The following C8orf34 variants were observed in gnomAD, a reference collection of about 807,000 sequenced individuals.
The protein encoded by C8orf34 is chromosome 8 open reading frame 34, also known as uncharacterized protein C8orf34.
C8orf34 carries 65 observed loss-of-function variants against 68.3 expected under a neutral mutation model. The ratio of observed to expected loss-of-function variants is 0.95; its 90% CI spans 0.78 to 1.17. The LOEUF (loss-of-function observed/expected upper bound fraction) is 1.17. Ranked by LOEUF, C8orf34 falls within the 50% of genes most tolerant of loss-of-function variation. The pLI, the probability that C8orf34 is intolerant of heterozygous loss-of-function variation, is 0.00. For synonymous variants in C8orf34, 244 were observed against 241.2 expected, an observed-to-expected ratio of 1.01 and a Z score of -0.11; for missense variants, 664 against 655.4, an observed-to-expected ratio of 1.01 and a Z score of -0.14.
intron 12 of C8orf34, among the ~76,000 whole-genome samples, chr8:68,802,726 G>A (rs1020511464): frequency 1.3e-5 from 2 of 152,116 alleles, no homozygotes; most frequent in African/African-American, 4.8e-5. Context: ...TCAAACTCAT[G>A]AGCTCAAGCA....
chr8:68,616,375 T>C (rs1285643857), intron 7 of C8orf34, among the ~76,000 whole-genome samples: 2 of 152,208 alleles, frequency 1.3e-5, no homozygotes, highest in African/African-American at 2.4e-5. Flanking sequence ...CTTTTAATTG[T>C]GATGTTAGGG....
intron 1 of C8orf34, among the ~76,000 whole-genome samples, chr8:68,378,767 T>C (rs925952705): frequency 6.6e-6 from 1 of 152,234 alleles, no homozygotes; most frequent in African/African-American, 2.4e-5. Flanking sequence ...GAGTTTCCTG[T>C]TACTTGTAAG....
chr8:68,419,171 A>C lies in C8orf34; in HGVS notation c.328-20328A>C, dbSNP rs960677526. Among the ~76,000 whole-genome samples, 61 of 152,206 alleles carry C rather than the reference A, an allele frequency of 4.0e-4. 1 individual carries two copies. The East Asian group carries it at 6.4e-3, about 16-fold the overall frequency. On this transcript the variant is annotated intron_variant, in intron 1 of 13. Transcript: ENST00000518698. ...CCCCATCAAGAAGTGGGCGAAGGAC[A>C]TGAACAGACACTTCTCAAAAGAAGA...
At chr8:68,533,919 T>C (rs976007005) in intron 7 of C8orf34, 1 of 876,264 alleles carries the variant, frequency 1.1e-6, no homozygotes, top group Non-Finnish European at 1.4e-6. Context: ...AGTATGATTT[T>C]CAAATACTTT....
intron 12 of C8orf34, among the ~76,000 whole-genome samples, chr8:68,790,222 A>G (rs1156229754): frequency 2.6e-5 from 4 of 152,214 alleles, no homozygotes; most frequent in Admixed American, 2.6e-4. Context: ...CTGGCTAGAT[A>G]TGCATAGATC....
intron 12 of C8orf34, 61 bp downstream of exon 12, chr8:68,787,597 G>T: frequency 1.7e-6 from 2 of 1,201,124 alleles, no homozygotes; most frequent in Middle Eastern, 2.0e-4. Flanking sequence ...CCACAATAAA[G>T]CTATTTCACT....
intron 8 of C8orf34, among the ~76,000 whole-genome samples, chr8:68,703,858 C>T (rs778556749): frequency 1.2e-4 from 18 of 152,112 alleles, no homozygotes; most frequent in Non-Finnish European, 2.2e-4. Context: ...GCCTCTGCCT[C>T]ACACCCTGCA....
At chr8:68,550,103 G>A (rs1036297589) in intron 7 of C8orf34, among the ~76,000 whole-genome samples, 2 of 151,650 alleles carry the variant, frequency 1.3e-5, no homozygotes, top group African/African-American at 4.8e-5. Flanking sequence ...TGATGTAACT[G>A]GATTAATATC....
intron 12 of C8orf34, among the ~76,000 whole-genome samples, chr8:68,809,008 A>G (rs1229764796): frequency 2.0e-5 from 3 of 151,826 alleles, no homozygotes; most frequent in African/African-American, 7.3e-5. Context: ...TGGGAGGCTC[A>G]TTTCCTTTTT....
At chr8:68,345,208 A>G (rs574344743) in intron 1 of C8orf34, among the ~76,000 whole-genome samples, 21 of 152,132 alleles carry the variant, frequency 1.4e-4, no homozygotes, top group African/African-American at 4.6e-4. Context: ...CAGAATGGTG[A>G]ACACAAAGGA....
At chr8:68,650,973 C>T (rs1819340951) in intron 8 of C8orf34, among the ~76,000 whole-genome samples, 1 of 152,174 alleles carries the variant, frequency 6.6e-6, no homozygotes, top group Non-Finnish European at 1.5e-5. Flanking sequence ...ATGTTTGCAG[C>T]TCAATTTTAC....
chr8:68,485,720 A>AT (rs1491557066), intron 4 of C8orf34, among the ~76,000 whole-genome samples: 12 of 84,926 alleles, frequency 1.4e-4, no homozygotes, highest in South Asian at 4.3e-4. Context: ...TCAAAAAAAA[A>AT]TAAAAAATAA....
intron 12 of C8orf34, among the ~76,000 whole-genome samples, chr8:68,789,664 C>A (rs1292991696): frequency 6.6e-6 from 1 of 151,808 alleles, no homozygotes; most frequent in Admixed American, 6.6e-5. Context: ...TATTGAGACA[C>A]AAAATAAGCC....
chr8:68,708,349 C>T (rs553596916), intron 8 of C8orf34, among the ~76,000 whole-genome samples: 32 of 152,218 alleles, frequency 2.1e-4, no homozygotes, highest in African/African-American at 7.0e-4. Flanking sequence ...AAAGCAAAGA[C>T]ATAAAATGGC....
At chr8:68,630,350 T>C (rs142872558) in intron 7 of C8orf34, among the ~76,000 whole-genome samples, 2 of 152,256 alleles carry the variant, frequency 1.3e-5, no homozygotes, top group African/African-American at 4.8e-5. Context: ...TTTTGCATTA[T>C]TTTATTTGTA....
At chr8:68,616,596 A>G (rs1346784371) in intron 7 of C8orf34, among the ~76,000 whole-genome samples, 1 of 152,062 alleles carries the variant, frequency 6.6e-6, no homozygotes, top group Non-Finnish European at 1.5e-5. Flanking sequence ...GTAGTTGAGC[A>G]GTTTTGAGTG....
intron 4 of C8orf34, among the ~76,000 whole-genome samples, chr8:68,469,126 T>C (rs1812273457): frequency 6.6e-6 from 1 of 152,058 alleles, no homozygotes; most frequent in Non-Finnish European, 1.5e-5. Context: ...CATTCTTTTC[T>C]TTGGAAACAT....
At chr8:68,330,797 A>T, upstream of C8orf34, 1 of 454,400 alleles carries the variant, frequency 2.2e-6, no homozygotes, top group Non-Finnish European at 3.8e-6. Flanking sequence ...GCGCACGGAC[A>T]CACACACACA....
chr8:68,797,883 T>C (rs979608177), intron 12 of C8orf34, among the ~76,000 whole-genome samples: 3 of 152,160 alleles, frequency 2.0e-5, no homozygotes, highest in Non-Finnish European at 4.4e-5. Flanking sequence ...AGACAGGACT[T>C]TGGTGCTTTG....
Sources: gnomAD v4.1 joint callset for allele counts (sites outside exome capture counted in the v4.1 genomes callset) on GRCh38, gnomAD v4.1.1 for gene constraint, MANE v1.5 for transcripts, NCBI Gene and HGNC (gene_info 2026-07-23, HGNC 2026-07-21) for gene names.